EPB41L4A: variants seen among roughly 807,000 people sequenced by gnomAD.
EPB41L4A encodes erythrocyte membrane protein band 4.1 like 4A, also known as band 4.1-like protein 4A.
Under a neutral mutation model 108.6 loss-of-function variants are expected in EPB41L4A, and 100 were observed. That is an observed-to-expected ratio of 0.92 (90% confidence interval 0.78 to 1.09). The LOEUF (loss-of-function observed/expected upper bound fraction) is 1.09, where lower values mean the gene tolerates loss of function less well. Among genes scored for constraint, EPB41L4A ranks in the 50% least tolerant of loss-of-function variants. The pLI is 0.00. For synonymous variants in EPB41L4A, 319 were observed against 289.0 expected (o/e 1.10, Z -1.05); for missense variants, 1,030 against 842.7 (o/e 1.22, Z -2.75).
chr5:112,231,791 C>CAAAAAAA (rs777370941), intron 12 of EPB41L4A, among the ~76,000 whole-genome samples: 2 of 37,618 alleles, frequency 5.3e-5, no homozygotes, highest in East Asian at 9.0e-4. Context: ...GACTCCGTCT[C>CAAAAAAA]AAAAAAAAAA....
At chr5:112,201,228 C>T (rs1316269299) in intron 15 of EPB41L4A, among the ~76,000 whole-genome samples, 7 of 152,196 alleles carry the variant, frequency 4.6e-5, no homozygotes, top group African/African-American at 1.7e-4. Context: ...CAAAAGAGAC[C>T]TGTAAGTGCA....
chr5:112,176,815 C>T (rs1338068071), intron 18 of EPB41L4A, among the ~76,000 whole-genome samples: 10 of 138,054 alleles, frequency 7.2e-5, no homozygotes, highest in African/African-American at 2.4e-4. Flanking sequence ...AGTGCAATGG[C>T]GCCATCTCGG....
chr5:112,403,869 G>A (rs145520112), intron 1 of EPB41L4A, among the ~76,000 whole-genome samples: 1,768 of 152,206 alleles, frequency 0.012, 25 homozygotes, highest in South Asian at 0.038. Flanking sequence ...GTTCATTTTT[G>A]ACTATTCTAC....
chr5:112,345,047 T>C (rs1757549728), intron 1 of EPB41L4A, among the ~76,000 whole-genome samples: 1 of 152,204 alleles, frequency 6.6e-6, no homozygotes, highest in Non-Finnish European at 1.5e-5. Flanking sequence ...TTACAATTCC[T>C]GAGACACAAG....
chr5:112,280,464 A>AT (rs1483293740), intron 2 of EPB41L4A, 141 bp from the exon 3 acceptor site: 3 of 733,726 alleles, frequency 4.1e-6, no homozygotes, highest in African/African-American at 1.8e-5. Flanking sequence ...ACACACAAAC[A>AT]TACATAAGAG....
chr5:112,154,308 C>T (rs561097069), intron 12 of EPB41L4A, among the ~76,000 whole-genome samples: 7 of 152,310 alleles, frequency 4.6e-5, no homozygotes, highest in African/African-American at 1.7e-4. Context: ...TTACGATGAT[C>T]ATTAGGTTTT....
chr5:112,318,213 G>A (rs1054643204), intron 1 of EPB41L4A, among the ~76,000 whole-genome samples: 4 of 151,980 alleles, frequency 2.6e-5, no homozygotes, highest in African/African-American at 9.7e-5. Context: ...ATTTTGATAG[G>A]AGTTCACAAA....
At chr5:112,340,643 T>C (rs1320497756) in intron 1 of EPB41L4A, among the ~76,000 whole-genome samples, 1 of 152,218 alleles carries the variant, frequency 6.6e-6, no homozygotes, top group Non-Finnish European at 1.5e-5. Context: ...GGATGTATAA[T>C]AGCATATTAA....
intron 9 of EPB41L4A, among the ~76,000 whole-genome samples, chr5:112,254,682 G>A (rs1181530090): frequency 6.6e-6 from 1 of 152,002 alleles, no homozygotes; most frequent in Non-Finnish European, 1.5e-5. Flanking sequence ...AGGCAGACAT[G>A]GAAACCCAAT....
intron 18 of EPB41L4A, among the ~76,000 whole-genome samples, chr5:112,177,912 C>A (rs1561451939): frequency 6.6e-6 from 1 of 151,436 alleles, no homozygotes; most frequent in Non-Finnish European, 1.5e-5. Flanking sequence ...AACAAACCAA[C>A]AAAAAACAGG....
chr5:112,343,148 C>G (rs1377508750), intron 1 of EPB41L4A, among the ~76,000 whole-genome samples: 3 of 152,158 alleles, frequency 2.0e-5, no homozygotes, highest in African/African-American at 4.8e-5. Context: ...TAAGGGTTCT[C>G]AAGTGCTTTG....
intron 12 of EPB41L4A, among the ~76,000 whole-genome samples, chr5:112,233,250 G>A (rs1012400000): frequency 2.6e-5 from 4 of 152,150 alleles, no homozygotes; most frequent in Non-Finnish European, 2.9e-5. Context: ...ATTTGTTCAG[G>A]AAACTGACAA....
At chr5:112,268,938 A>C (rs1752064670) in intron 4 of EPB41L4A, among the ~76,000 whole-genome samples, 1 of 152,032 alleles carries the variant, frequency 6.6e-6, no homozygotes. Context: ...ATTCAAAGAC[A>C]AAAGGAAAGA....
At position 112,419,114 on chromosome 5, in the gene EPB41L4A, G is replaced by A. The variant is rs1396272655; in HGVS notation, c.-75C>T. 8.0e-6 allele frequency: 9 copies of A among 1,128,294 alleles called. No individual in the cohort carries two copies. The highest frequency in any genetic ancestry group is 1.6e-5 in the African/African-American group (1 of 64,504). The allele number at this position is 1,128,294 out of a possible 1,614,324, so 69.9% of individuals were successfully genotyped here. On this transcript the variant is annotated 5_prime_UTR_variant, in exon 1 of 23. Coordinates refer to ENST00000261486, the MANE Select transcript of EPB41L4A (RefSeq NM_022140.5). ...CCAGCCGCCCCCTCCACTCAAGCGC[G>A]ATGCATTAATTTATTGTCCGCGCCG...
chr5:112,357,377 T>C (rs1000425905), intron 1 of EPB41L4A, among the ~76,000 whole-genome samples: 3 of 152,102 alleles, frequency 2.0e-5, no homozygotes, highest in Admixed American at 6.5e-5. Context: ...CAAAAGGCAA[T>C]GGTATAAAGA....
intron 9 of EPB41L4A, among the ~76,000 whole-genome samples, chr5:112,258,086 T>C (rs921001651): frequency 6.6e-6 from 1 of 152,260 alleles, no homozygotes; most frequent in Non-Finnish European, 1.5e-5. Flanking sequence ...TTACAAGTTG[T>C]TAAAACTCAT....
chr5:112,317,385 T>C (rs1755497423), intron 1 of EPB41L4A, among the ~76,000 whole-genome samples: 1 of 152,086 alleles, frequency 6.6e-6, no homozygotes. Context: ...ATAAATAAGC[T>C]CAAAAAGGTT....
intron 1 of EPB41L4A, among the ~76,000 whole-genome samples, chr5:112,311,673 A>AC (rs1755060348): frequency 6.6e-6 from 1 of 152,122 alleles, no homozygotes; most frequent in East Asian, 1.9e-4. Context: ...GCACTGCTGC[A>AC]CCCCAGCCTG....
chr5:112,173,461 T>A (rs1261483898), intron 18 of EPB41L4A: 3 of 152,100 alleles, frequency 2.0e-5, no homozygotes, highest in African/African-American at 7.2e-5. Flanking sequence ...CAGGTAATTT[T>A]ATTTTCTTGT....
Sources: gnomAD v4.1 joint callset for allele counts (sites outside exome capture counted in the v4.1 genomes callset) on GRCh38, gnomAD v4.1.1 for gene constraint, MANE v1.5 for transcripts, NCBI Gene and HGNC (gene_info 2026-07-23, HGNC 2026-07-21) for gene names.